The following SAMD5 variants were observed in gnomAD, a reference collection of about 807,000 sequenced individuals.
The protein encoded by SAMD5 is sterile alpha motif domain-containing protein 5.
In SAMD5, 13 loss-of-function variants were observed where a neutral mutation model predicts 11.3. The observed-to-expected ratio is 1.15, with a 90% CI of 0.75 to 1.83. The LOEUF (loss-of-function observed/expected upper bound fraction) is 1.83, where lower values mean the gene tolerates loss of function less well. Among genes scored for constraint, SAMD5 ranks in the 40% most tolerant of loss-of-function variants. The pLI, the probability that SAMD5 is intolerant of heterozygous loss-of-function variation, is 0.00. For synonymous variants in SAMD5, 129 were observed against 111.3 expected, an observed-to-expected ratio of 1.16 and a Z score of -1.00; for missense variants, 255 against 239.1, an observed-to-expected ratio of 1.07 and a Z score of -0.44.
intron 1 of SAMD5, among the ~76,000 whole-genome samples, chr6:147,645,398 G>A (rs17077142): frequency 0.035 from 5,380 of 152,160 alleles, 303 homozygotes; most frequent in African/African-American, 0.12. Context: ...CTAAGCCCAC[G>A]CAATATAATT....
At chr6:147,703,678 A>C (rs981290010) in intron 1 of SAMD5, among the ~76,000 whole-genome samples, 1 of 152,184 alleles carries the variant, frequency 6.6e-6, no homozygotes, top group Admixed American at 6.5e-5. Context: ...ATGGCCAAAA[A>C]TATCCAAGAC....
At chr6:147,895,809 G>A in the SAMD5 span, among the ~76,000 whole-genome samples, 1 of 152,194 alleles carries the variant, frequency 6.6e-6, no homozygotes, top group African/African-American at 2.4e-5. Context: ...GGATTTTGTT[G>A]TGGGTAAAGC....
chr6:147,546,171 G>A (rs1444404473), intron 1 of SAMD5, among the ~76,000 whole-genome samples: 1 of 152,128 alleles, frequency 6.6e-6, no homozygotes, highest in Non-Finnish European at 1.5e-5. Flanking sequence ...TCCATCTGGT[G>A]GCCTATCATC....
At chr6:147,621,041 T>C (rs1245460319) in intron 1 of SAMD5, among the ~76,000 whole-genome samples, 1 of 151,648 alleles carries the variant, frequency 6.6e-6, no homozygotes, top group Non-Finnish European at 1.5e-5. Flanking sequence ...ATATAGCAAA[T>C]TGCAAATAGG....
chr6:147,941,549 T>C, the SAMD5 span, among the ~76,000 whole-genome samples: 7 of 149,108 alleles, frequency 4.7e-5, no homozygotes, highest in Non-Finnish European at 1.0e-4. Flanking sequence ...AAATAGAATA[T>C]GTTTTTTTTA....
the SAMD5 span, among the ~76,000 whole-genome samples, chr6:147,826,953 A>C: frequency 6.6e-6 from 1 of 152,144 alleles, no homozygotes; most frequent in African/African-American, 2.4e-5. Flanking sequence ...GAGGAGCTGA[A>C]TGGGTACTAT....
At chr6:147,713,309 A>G (rs1012295783) in intron 1 of SAMD5, among the ~76,000 whole-genome samples, 1 of 152,216 alleles carries the variant, frequency 6.6e-6, no homozygotes, top group Admixed American at 6.5e-5. Context: ...CACTCAAACT[A>G]CAGCTCTGGG....
the SAMD5 span, among the ~76,000 whole-genome samples, chr6:147,826,621 C>CTTTATGGTGG: frequency 2.0e-5 from 3 of 152,152 alleles, no homozygotes; most frequent in Non-Finnish European, 4.4e-5. Flanking sequence ...TGTCTAGTCT[C>CTTTATGGTGG]TTTATTGTAT....
chr6:147,878,620 T>TACATATATATCTATATA, the SAMD5 span, among the ~76,000 whole-genome samples: 1 of 146,738 alleles, frequency 6.8e-6, no homozygotes, highest in African/African-American at 2.5e-5. Flanking sequence ...TAGATATATA[T>TACATATATATCTATATA]GTATATATAT....
the SAMD5 span, among the ~76,000 whole-genome samples, chr6:147,954,401 A>G: frequency 6.6e-6 from 1 of 152,182 alleles, no homozygotes; most frequent in East Asian, 1.9e-4. Flanking sequence ...TCAGATTACA[A>G]TGGAGCTGAA....
At chr6:147,594,017 T>C (rs911607325) in intron 1 of SAMD5, among the ~76,000 whole-genome samples, 3 of 150,560 alleles carry the variant, frequency 2.0e-5, no homozygotes, top group Non-Finnish European at 3.0e-5. Flanking sequence ...TAATCCCAGA[T>C]ACTCAGGAGG....
chr6:147,912,016 G>A, the SAMD5 span, among the ~76,000 whole-genome samples: 3 of 152,302 alleles, frequency 2.0e-5, no homozygotes, highest in Admixed American at 6.5e-5. Flanking sequence ...AAGAGTGTGT[G>A]CAAGCATGCA....
intron 1 of SAMD5, among the ~76,000 whole-genome samples, chr6:147,555,741 A>G (rs2128443539): frequency 6.6e-6 from 1 of 152,348 alleles, no homozygotes; most frequent in Middle Eastern, 3.4e-3. Flanking sequence ...AATAAACAGT[A>G]AGAAAAGTTC....
At chr6:147,826,338 T>C in the SAMD5 span, among the ~76,000 whole-genome samples, 9 of 152,294 alleles carry the variant, frequency 5.9e-5, no homozygotes, top group Admixed American at 3.9e-4. Context: ...CCCTAGAGTG[T>C]GGTGAAGTAA....
chr6:147,564,347 A>G (rs918162269), intron 1 of SAMD5, 47 bp from the exon 2 acceptor site: 1 of 776,094 alleles, frequency 1.3e-6, no homozygotes, highest in African/African-American at 1.7e-5. Context: ...TAGGGGAAGA[A>G]TGGGTAAAGG....
chr6:147,929,990 C>T, the SAMD5 span, among the ~76,000 whole-genome samples: 46 of 152,312 alleles, frequency 3.0e-4, no homozygotes, highest in Middle Eastern at 3.4e-3. Context: ...CTCTCCTACA[C>T]ACTGTAGATT....
chr6:147,600,893 C>T (rs758285363), intron 1 of SAMD5, among the ~76,000 whole-genome samples: 2 of 152,198 alleles, frequency 1.3e-5, no homozygotes, highest in African/African-American at 2.4e-5. Flanking sequence ...TGTAGCAGTT[C>T]TACCCTTGAC....
At chr6:147,561,034 GATA>G (rs957218955) in intron 1 of SAMD5, among the ~76,000 whole-genome samples, 3 of 152,184 alleles carry the variant, frequency 2.0e-5, no homozygotes, top group African/African-American at 7.2e-5. Flanking sequence ...GAAATAGGGA[GATA>G]ATAATTTGGC....
the SAMD5 span, among the ~76,000 whole-genome samples, chr6:147,939,328 T>A: frequency 6.6e-6 from 1 of 152,140 alleles, no homozygotes; most frequent in Admixed American, 6.5e-5. Context: ...CACTGATGAC[T>A]CAGTCTCTAG....
Sources: allele counts gnomAD v4.1 joint callset (sites outside exome capture counted in the v4.1 genomes callset), GRCh38; gene constraint gnomAD v4.1.1; transcripts MANE v1.5; gene names NCBI Gene and HGNC (gene_info 2026-07-23, HGNC 2026-07-21).